The following SLC6A12 variants were observed in gnomAD, a reference collection of about 807,000 sequenced individuals.
The protein encoded by SLC6A12 is sodium- and chloride-dependent betaine transporter.
SLC6A12 carries 50 observed loss-of-function variants against 73.3 expected under a neutral mutation model. The ratio of observed to expected loss-of-function variants is 0.68; its 90% CI spans 0.54 to 0.86. SLC6A12 has a LOEUF of 0.86. Among genes scored for constraint, SLC6A12 ranks in the 40% least tolerant of loss-of-function variants. The pLI is 0.00. For synonymous variants in SLC6A12, 304 were observed against 309.2 expected (o/e 0.98, Z 0.18); for missense variants, 648 against 772.8 (o/e 0.84, Z 1.92).
chr12:204,790 T>A, intron 3 of SLC6A12, 92 bp from the exon 4 acceptor site: 2 of 1,414,376 alleles, frequency 1.4e-6, no homozygotes, highest in Non-Finnish European at 9.7e-7. Context: ...AAACCCGCCC[T>A]CCACCATCCT....
the SLC6A12 span, among the ~76,000 whole-genome samples, chr12:184,507 T>C: frequency 1.3e-5 from 2 of 152,018 alleles, no homozygotes; most frequent in South Asian, 2.1e-4. Flanking sequence ...TCCCAGCACT[T>C]TGGGAGGCCG....
At chr12:197,186 CA>C (rs1939954143) in intron 10 of SLC6A12, among the ~76,000 whole-genome samples, 190 bp downstream of exon 10, 1 of 83,280 alleles carries the variant, frequency 1.2e-5, no homozygotes. Flanking sequence ...TCCATCCATC[CA>C]TCCATCCATT....
In SLC6A12 at chr12:192,772, G is replaced by A. The variant is rs970366316; in HGVS notation, c.1531-124C>T. 5 of 870,370 alleles carry A rather than the reference G, an allele frequency of 5.7e-6. No individual in the cohort carries two copies. The African/African-American group carries it at 6.7e-5, about 12-fold the overall frequency. The allele number at this position is 870,370 out of a possible 1,614,324, so 53.9% of individuals were successfully genotyped here. A position where few individuals can be genotyped will look rare whatever the true frequency, so the allele number is the denominator to read the frequency against. On this transcript the variant is annotated intron_variant, in intron 14 of 15. Transcript: ENST00000684302. ...TGCAGCACGTCTGTAAGGTGGAAGA[G>A]TAAAAGCCCCTGCAAATCCCAGGCC...
chr12:206,210 CTG>C (rs1170470881), intron 3 of SLC6A12, among the ~76,000 whole-genome samples: 2 of 152,354 alleles, frequency 1.3e-5, no homozygotes, highest in African/African-American at 4.8e-5. Flanking sequence ...GACCGAAACT[CTG>C]TACACGTTAA....
intron 3 of SLC6A12, among the ~76,000 whole-genome samples, chr12:207,875 G>T (rs1304294706): frequency 2.0e-5 from 3 of 152,094 alleles, no homozygotes; most frequent in Non-Finnish European, 4.4e-5. Context: ...CAAGAGTTAG[G>T]CTGGGAAGGA....
intron 4 of SLC6A12, 56 bp from the exon 5 acceptor site, chr12:202,936 A>G: frequency 8.4e-6 from 13 of 1,550,998 alleles, no homozygotes; most frequent in Non-Finnish European, 8.8e-6. Context: ...TTAGCAAAAA[A>G]GTCACATAGA....
chr12:193,522 C>G, intron 13 of SLC6A12, 145 bp from the exon 14 acceptor site: 1 of 601,146 alleles, frequency 1.7e-6, no homozygotes, highest in East Asian at 2.8e-5. Context: ...GAGTGAGACG[C>G]CTCCCTGACA....
In SLC6A12 at chr12:190,388, G is replaced by A. The variant is rs1446070559; in HGVS notation, c.*680C>T. The A allele has an allele frequency of 6.6e-6, 1 of 152,266 alleles. No homozygotes were observed. The highest frequency in any genetic ancestry group is 1.5e-5 in the Non-Finnish European group (1 of 68,092). The allele number at this position is 152,266 out of a possible 1,614,324, so 9.4% of individuals were successfully genotyped here. A position where few individuals can be genotyped will look rare whatever the true frequency, so the allele number is the denominator to read the frequency against. On this transcript the variant is annotated 3_prime_UTR_variant, in exon 16 of 16. Transcript: ENST00000684302. ...TGGGCAGAGGAACGGACAGTGCAGG[G>A]AGGCATGCCGAGTGTTTGTGAAGTC...
chr12:198,472 G>C lies in SLC6A12; in HGVS notation c.846+325C>G, dbSNP rs896608812. On this transcript the variant is annotated intron_variant, in intron 8 of 15. Coordinates refer to ENST00000684302, the MANE Select transcript of SLC6A12 (RefSeq NM_001122848.3). The surrounding 1 kb of genome is among the most constrained non-coding windows in gnomAD (Gnocchi z 4.0). Reference sequence around the variant, plus strand: ...CCAGCTGCTCAGGAGGCTGAGGCGAGAGAATGCCTTGAGCCCAAGAGGTTG... The same window carrying C: ...CCAGCTGCTCAGGAGGCTGAGGCGACAGAATGCCTTGAGCCCAAGAGGTTG... Among the ~76,000 whole-genome samples, 1 of 152,220 alleles carries C rather than the reference G, an allele frequency of 6.6e-6. No individual in the cohort carries two copies. Among genetic ancestry groups the C allele is most frequent in the Non-Finnish European group, 1.5e-5 (1 of 68,046 alleles).
At position 191,909 on chromosome 12, in the gene SLC6A12, GCCTA is replaced by G. The variant is rs1939617839; in HGVS notation, c.1701+565_1701+568del. On this transcript the variant is annotated intron_variant, in intron 15 of 15. Transcript: ENST00000684302. ...TTCTTGAAACATAAAAAACAAACAA[GCCTA>G]TTTGCTGAAACTGTTGGAGGTTGGG... Among the ~76,000 whole-genome samples, 3 of 152,162 alleles carry G rather than the reference GCCTA, an allele frequency of 2.0e-5. No individual in the cohort carries two copies. In the South Asian group the frequency reaches 6.2e-4, roughly 31 times the overall value.
intron 4 of SLC6A12, chr12:204,286 C>T (rs1940499219): frequency 9.5e-6 from 4 of 420,414 alleles, no homozygotes; most frequent in Non-Finnish European, 1.3e-5. Flanking sequence ...TCGCTTCTGC[C>T]CCTGCAGGGG....
chr12:194,902 C>T (rs1939790127), intron 13 of SLC6A12, among the ~76,000 whole-genome samples: 1 of 152,182 alleles, frequency 6.6e-6, no homozygotes. Context: ...AATAAACGTC[C>T]CTTCTGACTA....
At chr12:202,705 A>C (rs201116221) in intron 5 of SLC6A12, 35 bp downstream of exon 5, 1 of 1,601,892 alleles carries the variant, frequency 6.2e-7, no homozygotes, top group South Asian at 1.1e-5. Context: ...CCAGCCCCTA[A>C]CAGGCAACAT....
chr12:193,592 G>A (rs771550500), intron 13 of SLC6A12, among the ~76,000 whole-genome samples: 2 of 152,258 alleles, frequency 1.3e-5, no homozygotes, highest in Non-Finnish European at 1.5e-5. Context: ...CCCACACACT[G>A]CTGCTGCCAT....
chr12:205,369 G>A (rs529994263), intron 3 of SLC6A12, among the ~76,000 whole-genome samples: 5 of 152,290 alleles, frequency 3.3e-5, no homozygotes, highest in African/African-American at 7.2e-5. Context: ...GGATTATTGC[G>A]TGTTACACCA....
intron 7 of SLC6A12, among the ~76,000 whole-genome samples, chr12:200,354 A>C (rs216239): frequency 0.87 from 132,811 of 151,892 alleles, 58,294 homozygotes; most frequent in Non-Finnish European, 0.91. Flanking sequence ...GTGATCCGCC[A>C]GCCTCGGCCT....
intron 9 of SLC6A12, 47 bp from the exon 10 acceptor site, chr12:197,548 G>A: frequency 6.3e-7 from 1 of 1,578,440 alleles, no homozygotes; most frequent in Non-Finnish European, 8.6e-7. Context: ...GGAAAAGAGA[G>A]GAAGAGAGAG....
intron 2 of SLC6A12, 143 bp from the exon 3 acceptor site, chr12:210,186 C>A: frequency 8.2e-7 from 1 of 1,226,870 alleles, no homozygotes; most frequent in Non-Finnish European, 1.1e-6. Context: ...AGTTCGTTCT[C>A]GTAACTGTAA....
intron 2 of SLC6A12, 131 bp from the exon 3 acceptor site, chr12:210,174 C>A (rs117604558): frequency 0.01 from 13,084 of 1,249,292 alleles, 82 homozygotes; most frequent in Middle Eastern, 0.032. Context: ...ACCTAAAGTT[C>A]CAGTTCGTTC....
Sources: allele counts gnomAD v4.1 joint callset (sites outside exome capture counted in the v4.1 genomes callset), GRCh38; gene constraint gnomAD v4.1.1; non-coding constraint Gnocchi (gnomAD v3.1); transcripts MANE v1.5; gene names NCBI Gene and HGNC (gene_info 2026-07-23, HGNC 2026-07-21).